The following CHD9NB variants were observed in gnomAD, a reference collection of about 807,000 sequenced individuals.
CHD9NB encodes the protein CHD9 neighbor, also known as CHD9 neighbor protein.
the CHD9NB span, chr16:53,036,034 C>T: frequency 1.3e-5 from 2 of 151,724 alleles, no homozygotes; most frequent in South Asian, 2.1e-4. Flanking sequence ...CACATATTAA[C>T]TTGGCTACAT....
chr16:53,048,442 A>G, the CHD9NB span, among the ~76,000 whole-genome samples: 1 of 152,190 alleles, frequency 6.6e-6, no homozygotes, highest in Non-Finnish European at 1.5e-5. Flanking sequence ...AAAATAAAAT[A>G]AAAATTTTTA....
At chr16:53,052,674 T>A in the CHD9NB span, 1 of 152,470 alleles carries the variant, frequency 6.6e-6, no homozygotes, top group African/African-American at 2.4e-5. Flanking sequence ...GAGGGAGCTG[T>A]TGCAAAGATG....
At chr16:53,038,552 T>G in the CHD9NB span, among the ~76,000 whole-genome samples, 1 of 152,170 alleles carries the variant, frequency 6.6e-6, no homozygotes, top group Non-Finnish European at 1.5e-5. Context: ...GGTTTTGCCA[T>G]GTTGGCCAGG....
the CHD9NB span, among the ~76,000 whole-genome samples, chr16:53,046,294 G>A: frequency 6.6e-6 from 1 of 152,114 alleles, no homozygotes; most frequent in Non-Finnish European, 1.5e-5. Flanking sequence ...GGGGCAAGGT[G>A]AGAAACCCTA....
the CHD9NB span, among the ~76,000 whole-genome samples, chr16:53,045,539 T>A: frequency 1.3e-5 from 2 of 152,184 alleles, no homozygotes; most frequent in East Asian, 3.9e-4. Context: ...AGGGGACTGA[T>A]AATCCTGACC....
chr16:53,043,379 C>A, the CHD9NB span: 1 of 152,326 alleles, frequency 6.6e-6, no homozygotes. Flanking sequence ...CCATGCCCCC[C>A]TTACTGGAGG....
At chr16:53,045,731 T>G in the CHD9NB span, among the ~76,000 whole-genome samples, 4 of 152,308 alleles carry the variant, frequency 2.6e-5, no homozygotes, top group South Asian at 8.3e-4. Context: ...TCTTGGTTAC[T>G]CCTCCCAATC....
At chr16:53,049,322 TTG>T in the CHD9NB span, among the ~76,000 whole-genome samples, 38,635 of 144,580 alleles carry the variant, frequency 0.27, 5,142 homozygotes, top group Middle Eastern at 0.39. Context: ...CCCCCAGCTG[TTG>T]TGTGTGTGTG....
the CHD9NB span, among the ~76,000 whole-genome samples, chr16:53,051,268 A>G: frequency 2.6e-5 from 4 of 152,164 alleles, no homozygotes; most frequent in Non-Finnish European, 5.9e-5. Context: ...ACATCTCATA[A>G]CATAATTTTA....
chr16:53,046,113 G>T, the CHD9NB span, among the ~76,000 whole-genome samples: 2 of 152,144 alleles, frequency 1.3e-5, no homozygotes, highest in Non-Finnish European at 2.9e-5. Flanking sequence ...ATACTTTGGG[G>T]CTGTCAAGGT....
the CHD9NB span, among the ~76,000 whole-genome samples, chr16:53,047,610 C>T: frequency 6.6e-6 from 1 of 152,194 alleles, no homozygotes; most frequent in South Asian, 2.1e-4. Flanking sequence ...CAGATTTCAG[C>T]CCCATCCTTA....
At chr16:53,051,879 A>G in the CHD9NB span, among the ~76,000 whole-genome samples, 1 of 148,612 alleles carries the variant, frequency 6.7e-6, no homozygotes, top group African/African-American at 2.5e-5. Context: ...GTGCTTAGTA[A>G]ACAGTAGTGA....
the CHD9NB span, among the ~76,000 whole-genome samples, chr16:53,038,321 C>A: frequency 6.6e-6 from 1 of 152,160 alleles, no homozygotes; most frequent in Admixed American, 6.5e-5. Flanking sequence ...CATCCCTTAG[C>A]CAAGTTAAAC....
At chr16:53,052,049 T>C in the CHD9NB span, among the ~76,000 whole-genome samples, 1 of 151,576 alleles carries the variant, frequency 6.6e-6, no homozygotes, top group African/African-American at 2.4e-5. Flanking sequence ...TTTGTAGGAT[T>C]ACTGTGAAGA....
At chr16:53,035,963 TA>T in the CHD9NB span, 4,070 of 127,756 alleles carry the variant, frequency 0.032, 115 homozygotes, top group African/African-American at 0.089. Context: ...AGACCCTTTC[TA>T]AAAAAAAAAA....
chr16:53,046,062 C>T, the CHD9NB span, among the ~76,000 whole-genome samples: 2 of 152,134 alleles, frequency 1.3e-5, no homozygotes, highest in Non-Finnish European at 2.9e-5. Context: ...ATTCAGAATA[C>T]ATTATGATGC....
the CHD9NB span, among the ~76,000 whole-genome samples, chr16:53,038,685 C>T: frequency 1.3e-5 from 2 of 152,242 alleles, no homozygotes; most frequent in East Asian, 3.9e-4. Flanking sequence ...ACCCCCCCTG[C>T]ACCCCCTGTA....
the CHD9NB span, among the ~76,000 whole-genome samples, chr16:53,051,696 C>A: frequency 1.4e-5 from 2 of 146,852 alleles, no homozygotes; most frequent in Non-Finnish European, 3.0e-5. Flanking sequence ...TGCAGCACAC[C>A]AACATGGCAC....
At chr16:53,039,398 A>G in the CHD9NB span, among the ~76,000 whole-genome samples, 1 of 152,044 alleles carries the variant, frequency 6.6e-6, no homozygotes, top group Non-Finnish European at 1.5e-5. Context: ...AAATCCTACA[A>G]TTTTATTAAT....
Sources: allele counts gnomAD v4.1 joint callset (sites outside exome capture counted in the v4.1 genomes callset), GRCh38; gene constraint gnomAD v4.1.1; transcripts MANE v1.5; gene names NCBI Gene and HGNC (gene_info 2026-07-23, HGNC 2026-07-21).